SOX15: variants seen among roughly 807,000 people sequenced by gnomAD.
SOX15 encodes SRY-box transcription factor 15.
Under a neutral mutation model 15.9 loss-of-function variants are expected in SOX15, and 12 were observed. That is an observed-to-expected ratio of 0.75 (90% CI 0.48 to 1.22). The LOEUF is 1.22. Ranked by LOEUF, SOX15 falls within the 50% of genes most tolerant of loss-of-function variation. The pLI is 0.00. For missense variants in SOX15, 309 were observed against 313.9 expected (o/e 0.98, Z 0.12); for synonymous variants, 149 against 142.8 (o/e 1.04, Z -0.31).
intron 1 of SOX15, 48 bp from the exon 2 acceptor site, chr17:7,588,594 T>C (rs2071623685): frequency 6.3e-7 from 1 of 1,583,184 alleles, no homozygotes; most frequent in Non-Finnish European, 8.7e-7. Context: ...GGGTTGGAGG[T>C]GAGTCTGGCC....
At chr17:7,588,670 A>AGCAG (rs2071624725) in intron 1 of SOX15, 124 bp from the exon 2 acceptor site, 1 of 1,083,630 alleles carries the variant, frequency 9.2e-7, no homozygotes, top group East Asian at 2.5e-5. Context: ...CGCTGGGCGC[A>AGCAG]GCAGGCATGG....
chr17:7,588,530 G>A lies in SOX15; in HGVS notation c.550C>T (p.Leu184=), dbSNP rs767077141. ...PGSYGSSHCK[L]EAPSPCSLPQ... ...AGGGAGCACGGTGAGGGGGCTTCCA[G>A]TTTGCAGTGGGAAGAGCTGCAGAGA... Residue 184 remains leucine, a synonymous_variant, in exon 2 of 2, where the codon CTG becomes TTG. Transcript: ENST00000250055. The A allele has an allele frequency of 1.7e-5, 27 of 1,613,194 alleles. No homozygotes were observed. The Admixed American group carries it at 4.5e-4, about 27-fold the overall frequency.
In SOX15 at chr17:7,588,943, G is replaced by C. The variant is rs996593018; in HGVS notation, c.533+201C>G. The stretch of plus-strand genomic sequence containing the variant: ...CTACAGGGCCCACCACCTTCAGACT[G>C]AGATGGAAACGCCCTCTGGGAGAAC... On this transcript the variant is annotated intron_variant, in intron 1 of 1. Coordinates refer to ENST00000250055, the MANE Select transcript of SOX15 (RefSeq NM_006942.2). The C allele has an allele frequency of 8.4e-6, 5 of 593,366 alleles. No homozygotes were observed. In the African/African-American group the frequency reaches 9.3e-5, roughly 11 times the overall value. The allele number at this position is 593,366 out of a possible 1,614,324, so 36.8% of individuals were successfully genotyped here. A position where few individuals can be genotyped will look rare whatever the true frequency, so the allele number is the denominator to read the frequency against.
rs909530117 is a variant in SOX15 at position 7,589,750 on chromosome 17, A to G, written c.-74T>C. The G allele has an allele frequency of 1.3e-5, 18 of 1,339,094 alleles. No individual in the cohort carries two copies. In the African/African-American group the frequency reaches 2.4e-4, roughly 18 times the overall value. The allele number at this position is 1,339,094 out of a possible 1,614,324, so 83.0% of individuals were successfully genotyped here. ...GTGAAGCGTCGATCCTGAAAATGGAAAGGTCTTCCCAGTCTGGAGTCGTTG... is the reference window on the plus strand; with the variant it reads ...GTGAAGCGTCGATCCTGAAAATGGAGAGGTCTTCCCAGTCTGGAGTCGTTG... On this transcript the variant is annotated 5_prime_UTR_variant, in exon 1 of 2. Transcript: ENST00000250055.
In SOX15 at chr17:7,589,634, C is replaced by T. The variant is rs1177591998; in HGVS notation, c.43G>A (p.Glu15Lys). ...GCAGCAGCCGTGGCAGCCGGAGGCT[C>T]CAGGCTCCAGGCCTGGTCCTGTGAG... ...GSSQDQAWSLEPPAATAAASS... is the reference protein window; with the variant it reads ...GSSQDQAWSLKPPAATAAASS... Residue 15 changes from glutamate (E) to lysine (K), a missense_variant, in exon 1 of 2, where the codon GAG becomes AAG. By Grantham distance (56) the Glu-to-Lys change is moderately conservative. Transcript: ENST00000250055. 6.5e-7 allele frequency: 1 copy of T among 1,548,194 alleles called. No individual in the cohort carries two copies. The highest frequency in any genetic ancestry group is 1.9e-5 in the Admixed American group (1 of 51,360).
At chr17:7,588,694 G>A in intron 1 of SOX15, 148 bp from the exon 2 acceptor site, 1 of 873,090 alleles carries the variant, frequency 1.1e-6, no homozygotes, top group South Asian at 1.4e-5. Flanking sequence ...CCGACCCCGG[G>A]ATGGAGAGCC....
Position 7,589,548 on chromosome 17 carries a change from C to G in SOX15, c.129G>C (p.Thr43=), listed in dbSNP as rs1445529788. The G allele has an allele frequency of 1.6e-5, 25 of 1,605,682 alleles. No individual in the cohort carries two copies. Among genetic ancestry groups the G allele is most frequent in the African/African-American group, 2.7e-5 (2 of 74,790 alleles). ...GCCGCTTCACCTTCTCCAGGGGCAG[C>G]GTCCCGGGGGCCGCGGGGCTCCCAG... ...EGAGSPAAPG[T]LPLEKVKRPM... The change falls in exon 1 of 2, where the codon ACG becomes ACC. Residue 43 remains threonine (T), a synonymous_variant. Transcript: ENST00000250055.
At chr17:7,588,949 G>A (rs2071627589) in intron 1 of SOX15, 195 bp downstream of exon 1, 1 of 597,590 alleles carries the variant, frequency 1.7e-6, no homozygotes, top group Non-Finnish European at 2.9e-6. Flanking sequence ...GACTGAGATG[G>A]AAACGCCCTC....
In SOX15 at chr17:7,588,361, G is replaced by A; in HGVS notation, c.*17C>T. 1 of 1,612,452 alleles carries A rather than the reference G, an allele frequency of 6.2e-7. No homozygotes were observed. Among genetic ancestry groups the A allele is most frequent in the Non-Finnish European group, 8.5e-7 (1 of 1,178,664 alleles). On this transcript the variant is annotated 3_prime_UTR_variant, in exon 2 of 2. Coordinates refer to ENST00000250055, the MANE Select transcript of SOX15 (RefSeq NM_006942.2). ...AGGAGGATGAGGCCCGTCCCGTGAG[G>A]TCTGCGTCCATGAGGGTTAGAGGTG...
rs769492303 is a variant in SOX15, at chr17:7,589,253, C to T, written c.424G>A (p.Ala142Thr). 1 of 1,553,824 alleles carries T rather than the reference C, an allele frequency of 6.4e-7. No individual in the cohort carries two copies. The highest frequency in any genetic ancestry group is 8.7e-7 in the Non-Finnish European group (1 of 1,149,246). Residue 142 changes from alanine (A) to threonine (T), a missense_variant, in exon 1 of 2, where the codon GCC (alanine) becomes ACC (threonine). Coordinates refer to ENST00000250055, the MANE Select transcript of SOX15 (RefSeq NM_006942.2). ...SRCGQGRGNL[A>T]SGGPLWGPGY... The stretch of plus-strand genomic sequence containing the variant: ...GGCCCCCAGAGCGGGCCGCCGCTGG[C>T]CAGGTTGCCTCTTCCCTGTCCGCAG...
Position 7,589,764 on chromosome 17 carries a change from C to A in SOX15, c.-88G>T. The A allele has an allele frequency of 8.1e-7, 1 of 1,231,502 alleles. No individual in the cohort carries two copies. The highest frequency in any genetic ancestry group is 1.5e-5 in the South Asian group (1 of 66,000). 76.3% of individuals were successfully genotyped at this position (1,231,502 alleles called of 1,614,324 possible). On this transcript the variant is annotated 5_prime_UTR_variant, in exon 1 of 2. Transcript: ENST00000250055. ...CTGAAAATGGAAAGGTCTTCCCAGT[C>A]TGGAGTCGTTGCCGAGGAACTTGGG...
At position 7,588,353 on chromosome 17, in the gene SOX15, C is replaced by T. The variant is rs1401968188; in HGVS notation, c.*25G>A. On this transcript the variant is annotated 3_prime_UTR_variant, in exon 2 of 2. Transcript: ENST00000250055. The stretch of plus-strand genomic sequence containing the variant: ...ATTAAAAAAGGAGGATGAGGCCCGT[C>T]CCGTGAGGTCTGCGTCCATGAGGGT... The T allele has an allele frequency of 1.2e-6, 2 of 1,611,122 alleles. No individual in the cohort carries two copies. The highest frequency in any genetic ancestry group is 2.7e-5 in the African/African-American group (2 of 74,912).
chr17:7,588,579 T>C, intron 1 of SOX15, 33 bp from the exon 2 acceptor site: 1 of 1,608,600 alleles, frequency 6.2e-7, no homozygotes, highest in South Asian at 1.1e-5. Context: ...AGAGGGCACT[T>C]CCCTGGGTTG....
rs374670316 is a variant in SOX15, at chr17:7,589,577, C to T, written c.100G>A (p.Gly34Ser). 6.3e-7 allele frequency: 1 copy of T among 1,579,930 alleles called. No individual in the cohort carries two copies. Reference protein sequence around the residue: ...SSSSGPQEREGAGSPAAPGTL... With the variant: ...SSSSGPQERESAGSPAAPGTL... ...CCGGGGGCCGCGGGGCTCCCAGCGC[C>T]CTCCCGCTCCTGGGGTCCCGAAGAT... The change falls in exon 1 of 2, where the codon GGC (glycine) becomes AGC (serine). Residue 34 changes from glycine (G) to serine (S), a missense_variant. Gly to Ser is a moderately conservative substitution (Grantham distance 56). Coordinates refer to ENST00000250055, the MANE Select transcript of SOX15 (RefSeq NM_006942.2).
chr17:7,589,862 A>G lies in SOX15; in HGVS notation c.-186T>C. ...CCTTTGCTTCCAACCTGTTCGGCAC[A>G]CTTTGGGGAGAGTCGAATGCAAAAT... On this transcript the variant is annotated 5_prime_UTR_variant, in exon 1 of 2. Transcript: ENST00000250055. 1 of 597,200 alleles carries G rather than the reference A, an allele frequency of 1.7e-6. No homozygotes were observed. The highest frequency in any genetic ancestry group is 2.9e-6 in the Non-Finnish European group (1 of 347,270). 37.0% of individuals were successfully genotyped at this position (597,200 alleles called of 1,614,324 possible).
In SOX15 at chr17:7,589,945, C is replaced by G. The variant is rs1333922623; in HGVS notation, c.-269G>C. The G allele has an allele frequency of 4.1e-6, 2 of 487,506 alleles. No homozygotes were observed. Among genetic ancestry groups the G allele is most frequent in the Non-Finnish European group, 7.2e-6 (2 of 277,078 alleles). The allele number at this position is 487,506 out of a possible 1,614,324, so 30.2% of individuals were successfully genotyped here. A position where few individuals can be genotyped will look rare whatever the true frequency, so the allele number is the denominator to read the frequency against. ...TTCTGAGGCCTACTGACTGGGGGAC[C>G]CCCGGTCCCTCTCCCCGACCCGCAG... On this transcript the variant is annotated 5_prime_UTR_variant, in exon 1 of 2. Coordinates refer to ENST00000250055, the MANE Select transcript of SOX15 (RefSeq NM_006942.2).
rs1404933838 is a variant in SOX15, at chr17:7,589,350, G to C, written c.327C>G (p.His109Gln). The C allele has an allele frequency of 4.3e-6, 7 of 1,610,046 alleles. No homozygotes were observed. Among genetic ancestry groups the C allele is most frequent in the Non-Finnish European group, 5.1e-6 (6 of 1,178,038 alleles). ...VEEAKRLRAR[H>Q]LRDYPDYKYR... ...ACTTGTAGTCGGGGTAGTCGCGCAGGTGTCGGGCGCGGAGCCGCTTGGCCT... is the reference window on the plus strand; with the variant it reads ...ACTTGTAGTCGGGGTAGTCGCGCAGCTGTCGGGCGCGGAGCCGCTTGGCCT... Residue 109 changes from histidine to glutamine, a missense_variant, in exon 1 of 2, where the codon CAC becomes CAG. By Grantham distance (24) the His-to-Gln change is conservative (BLOSUM62 0). Transcript: ENST00000250055.
At chr17:7,588,887 A>C in intron 1 of SOX15, 2 of 586,550 alleles carry the variant, frequency 3.4e-6, no homozygotes, top group Non-Finnish European at 6.1e-6. Flanking sequence ...TAACTAGGAC[A>C]CAGTCGCATC....
chr17:7,589,132 C>T lies in SOX15; in HGVS notation c.533+12G>A. 6.8e-7 allele frequency: 1 copy of T among 1,466,912 alleles called. No homozygotes were observed. Among genetic ancestry groups the T allele is most frequent in the East Asian group, 2.5e-5 (1 of 39,426 alleles). The allele number at this position is 1,466,912 out of a possible 1,614,324, so 90.9% of individuals were successfully genotyped here. On this transcript the variant is annotated intron_variant, in intron 1 of 1. Coordinates refer to ENST00000250055, the MANE Select transcript of SOX15 (RefSeq NM_006942.2). ...TGGGCCTCCGTCTTCGGCCCGCTTCCCAGGCACTCACCCATAGCTGCCAGG... is the reference window on the plus strand; with the variant it reads ...TGGGCCTCCGTCTTCGGCCCGCTTCTCAGGCACTCACCCATAGCTGCCAGG...
Sources: gnomAD v4.1 joint callset for allele counts on GRCh38, gnomAD v4.1.1 for gene constraint, MANE v1.5 for transcripts, NCBI Gene and HGNC (gene_info 2026-07-23, HGNC 2026-07-21) for gene names.